The following DHX57 variants were observed in gnomAD, a reference collection of about 807,000 sequenced individuals.
DHX57 encodes the protein putative ATP-dependent RNA helicase DHX57.
A neutral mutation model predicts 156.2 loss-of-function variants in DHX57; 105 were observed. That is an observed-to-expected ratio of 0.67 (90% CI 0.57 to 0.79). DHX57 has a LOEUF of 0.79. Ranked by LOEUF, DHX57 falls within the 30% of genes least tolerant of loss-of-function variation. The pLI, the probability that DHX57 is intolerant of heterozygous loss-of-function variation, is 0.00. For missense variants in DHX57, 1,847 were observed against 1,661.9 expected, an observed-to-expected ratio of 1.11 and a Z score of -1.94; for synonymous variants, 704 against 595.6, an observed-to-expected ratio of 1.18 and a Z score of -2.65.
At chr2:38,819,190 T>A in intron 17 of DHX57, 46 bp from the exon 18 acceptor site, 1 of 1,566,396 alleles carries the variant, frequency 6.4e-7, no homozygotes, top group Non-Finnish European at 8.8e-7. Flanking sequence ...TTTTTTTTTT[T>A]CAAAGACAGG....
At chr2:38,827,527 T>C (rs13014958) in intron 14 of DHX57, among the ~76,000 whole-genome samples, 2 of 55,494 alleles carry the variant, frequency 3.6e-5, no homozygotes, top group Non-Finnish European at 6.5e-5. Flanking sequence ...TATATATATA[T>C]ATATATACAC....
In DHX57 at chr2:38,798,450, G is replaced by A. The variant is rs772264802; in HGVS notation, c.4018-8C>T. The stretch of plus-strand genomic sequence containing the variant: ...CTTTACCAGTTCAGCCACCTAAAAT[G>A]AAAGCTACAATATAAGCAGTGCTTG... On this transcript the variant is annotated splice_region_variant and splice_polypyrimidine_tract_variant and intron_variant, in intron 23 of 23. Coordinates refer to ENST00000457308, the MANE Select transcript of DHX57 (RefSeq NM_198963.3). 1 of 1,607,586 alleles carries A rather than the reference G, an allele frequency of 6.2e-7. No homozygotes were observed. Among genetic ancestry groups the A allele is most frequent in the Admixed American group, 1.7e-5 (1 of 58,436 alleles).
At chr2:38,866,407 A>C (rs1297854237) in intron 2 of DHX57, among the ~76,000 whole-genome samples, 1 of 152,190 alleles carries the variant, frequency 6.6e-6, no homozygotes, top group Non-Finnish European at 1.5e-5. Context: ...AGAACTTCAC[A>C]GCTTATTCCT....
In DHX57 at chr2:38,802,737, C is replaced by T. The variant is rs764774893; in HGVS notation, c.3995G>A (p.Arg1332His). The change falls in exon 23 of 24, where the codon CGT becomes CAT. Residue 1332 changes from arginine to histidine, a missense_variant. Physicochemically the swap from Arg to His is conservative, Grantham distance 29 (BLOSUM62 0). Transcript: ENST00000457308. Reference protein sequence around the residue: ...FVVSLDDGWIRFVAASHQVAE... With the variant: ...FVVSLDDGWIHFVAASHQVAE... The stretch of plus-strand genomic sequence containing the variant: ...TACCTGATGGGAAGCAGCTACAAAA[C>T]GGATCCAACCATCATCCAGGGAGAC... 1.1e-4 allele frequency: 170 copies of T among 1,613,984 alleles called. No homozygotes were observed. Among genetic ancestry groups the T allele is most frequent in the Non-Finnish European group, 1.2e-4 (147 of 1,180,010 alleles).
At chr2:38,807,252 AC>A (rs1201612646) in intron 21 of DHX57, among the ~76,000 whole-genome samples, 1 of 151,926 alleles carries the variant, frequency 6.6e-6, no homozygotes, top group Non-Finnish European at 1.5e-5. Context: ...ATGTGGTTTC[AC>A]CATGTTGGCA....
chr2:38,825,844 C>G lies in DHX57; in HGVS notation c.3014+3G>C. The stretch of plus-strand genomic sequence containing the variant: ...AAGCAAAACACAAAAAACCAGATGT[C>G]ACCTTAGACACAGCTGTTCCAATGG... On this transcript the variant is annotated splice_donor_region_variant and intron_variant, in intron 16 of 23. Coordinates refer to ENST00000457308, the MANE Select transcript of DHX57 (RefSeq NM_198963.3). The G allele has an allele frequency of 1.2e-6, 2 of 1,614,060 alleles. No individual in the cohort carries two copies. Among genetic ancestry groups the G allele is most frequent in the Non-Finnish European group, 1.7e-6 (2 of 1,179,986 alleles).
At chr2:38,826,486 CCT>C (rs750195153) in intron 15 of DHX57, 28 bp downstream of exon 15, 20 of 1,602,766 alleles carry the variant, frequency 1.2e-5, no homozygotes, top group Non-Finnish European at 3.4e-6. Context: ...ATTTTTAGCC[CCT>C]CTCTTACATC....
chr2:38,834,798 T>C (rs990795377), intron 13 of DHX57, among the ~76,000 whole-genome samples: 1 of 152,218 alleles, frequency 6.6e-6, no homozygotes, highest in African/African-American at 2.4e-5. Context: ...GTAAGGGCCA[T>C]TGTGAAAGAA....
chr2:38,843,241 T>C (rs1402945201), intron 11 of DHX57, 31 bp from the exon 12 acceptor site: 2 of 1,608,656 alleles, frequency 1.2e-6, no homozygotes, highest in Admixed American at 1.7e-5. Flanking sequence ...TGGTTGTGTG[T>C]ATGTGGTCCT....
intron 6 of DHX57, among the ~76,000 whole-genome samples, chr2:38,857,905 A>ATTTGT (rs955003232): frequency 3.9e-5 from 6 of 151,958 alleles, no homozygotes; most frequent in Non-Finnish European, 7.4e-5. Context: ...AAATCGCAGT[A>ATTTGT]TTTGTTTTGT....
At chr2:38,848,210 TTAAAA>T in intron 10 of DHX57, 54 bp downstream of exon 10, 1 of 1,474,672 alleles carries the variant, frequency 6.8e-7, no homozygotes, top group Non-Finnish European at 9.1e-7. Context: ...GTCTCAAACT[TTAAAA>T]TAATTATATT....
intron 13 of DHX57, among the ~76,000 whole-genome samples, chr2:38,829,033 C>G (rs1429715736): frequency 2.0e-5 from 3 of 151,418 alleles, no homozygotes; most frequent in Non-Finnish European, 4.4e-5. Context: ...CTCAACCTCC[C>G]CAGGCTCAGG....
chr2:38,855,911 A>G (rs146913698), intron 7 of DHX57, among the ~76,000 whole-genome samples: 2 of 152,332 alleles, frequency 1.3e-5, no homozygotes, highest in African/African-American at 4.8e-5. Context: ...AGCCTGGCCA[A>G]CATGGTAAAA....
intron 22 of DHX57, among the ~76,000 whole-genome samples, chr2:38,804,079 G>C (rs1669825830): frequency 6.6e-6 from 1 of 152,218 alleles, no homozygotes; most frequent in Non-Finnish European, 1.5e-5. Context: ...TACCAATTTA[G>C]TACAAACCAT....
At chr2:38,846,081 G>T (rs1672269473) in intron 11 of DHX57, among the ~76,000 whole-genome samples, 1 of 152,002 alleles carries the variant, frequency 6.6e-6, no homozygotes, top group African/African-American at 2.4e-5. Context: ...GGCCAAGCTG[G>T]TCTTGAACTC....
chr2:38,811,597 T>G, intron 21 of DHX57: 1 of 1,371,624 alleles, frequency 7.3e-7, no homozygotes, highest in Non-Finnish European at 1.0e-6. Flanking sequence ...CACACGAGGA[T>G]GCAGGAGGTG....
rs1207592201 is a variant in DHX57, at chr2:38,861,222, C to G, written c.1188G>C (p.Lys396Asn). 1 of 1,614,008 alleles carries G rather than the reference C, an allele frequency of 6.2e-7. No individual in the cohort carries two copies. Among genetic ancestry groups the G allele is most frequent in the Non-Finnish European group, 8.5e-7 (1 of 1,180,034 alleles). Residue 396 changes from lysine (K) to asparagine (N), a missense_variant, in exon 5 of 24, where the codon AAG (lysine) becomes AAC (asparagine). Coordinates refer to ENST00000457308, the MANE Select transcript of DHX57 (RefSeq NM_198963.3). Reference protein sequence around the residue: ...RLHISEFLYDKALTFAETSEP... With the variant: ...RLHISEFLYDNALTFAETSEP... The stretch of plus-strand genomic sequence containing the variant: ...CCGAAGTTTCCGCAAATGTCAAGGC[C>G]TTGTCATAAAGAAACTCAGAAATAT...
At chr2:38,808,375 A>T (rs1243992991) in intron 21 of DHX57, among the ~76,000 whole-genome samples, 1 of 152,208 alleles carries the variant, frequency 6.6e-6, no homozygotes, top group African/African-American at 2.4e-5. Context: ...TTGAAAATAA[A>T]CATGTCTTGA....
chr2:38,874,245 A>T (rs945979416), intron 1 of DHX57, among the ~76,000 whole-genome samples: 2 of 149,940 alleles, frequency 1.3e-5, no homozygotes, highest in East Asian at 4.0e-4. Flanking sequence ...GTGCACCACC[A>T]CACCCAGCTA....
Sources: gnomAD v4.1 joint callset for allele counts (sites outside exome capture counted in the v4.1 genomes callset) on GRCh38, gnomAD v4.1.1 for gene constraint, MANE v1.5 for transcripts, NCBI Gene and HGNC (gene_info 2026-07-23, HGNC 2026-07-21) for gene names.